The following KSR1 variants were observed in gnomAD, a reference collection of about 807,000 sequenced individuals.
KSR1 encodes kinase suppressor of ras 1, also known as kinase suppressor of ras.
A neutral mutation model predicts 92.9 loss-of-function variants in KSR1; 35 were observed. That is an observed-to-expected ratio of 0.38 (90% confidence interval 0.29 to 0.50). KSR1 has a LOEUF of 0.50. Ranked by LOEUF, KSR1 falls within the 20% of genes least tolerant of loss-of-function variation. The pLI, the probability that KSR1 is intolerant of heterozygous loss-of-function variation, is 0.94. For missense variants in KSR1, 972 were observed against 1,158.5 expected, an observed-to-expected ratio of 0.84 and a Z score of 2.34; for synonymous variants, 467 against 472.6, an observed-to-expected ratio of 0.99 and a Z score of 0.15.
Position 27,597,272 on chromosome 17 carries a change from A to C in KSR1, c.1304A>C (p.His435Pro), listed in dbSNP as rs1598112677. The C allele has an allele frequency of 6.3e-7, 1 of 1,583,780 alleles. No individual in the cohort carries two copies. Among genetic ancestry groups the C allele is most frequent in the East Asian group, 2.3e-5 (1 of 42,902 alleles). ...CCAACATCTCTGGTCCTGCAGGAGC[A>C]CCCTCCGGCCATGAATCACCTGGAC... ...TLPKALTKKEHPPAMNHLDSS... is the reference protein window; with the variant it reads ...TLPKALTKKEPPPAMNHLDSS... Residue 435 changes from histidine (H) to proline (P), a missense_variant, in exon 10 of 21, where the codon CAC becomes CCC. Physicochemically the swap from His to Pro is moderately conservative, Grantham distance 77. This residue lies in a region of KSR1 where 611 missense variants were observed against 668.0 expected (regional missense o/e 0.91). Coordinates refer to ENST00000644974, the MANE Select transcript of KSR1 (RefSeq NM_001394583.1).
At chr17:27,509,900 G>C (rs941719839) in intron 1 of KSR1, among the ~76,000 whole-genome samples, 1 of 152,188 alleles carries the variant, frequency 6.6e-6, no homozygotes, top group Admixed American at 6.5e-5. Context: ...GGCCACGTTG[G>C]GCGAGCAGGG....
chr17:27,617,881 C>T (rs1260846709), intron 19 of KSR1: 1 of 164,504 alleles, frequency 6.1e-6, no homozygotes, highest in Non-Finnish European at 1.3e-5. Context: ...CCAGAGGTGA[C>T]TAGTCCCCTT....
chr17:27,601,293 C>T, intron 10 of KSR1, 67 bp from the exon 11 acceptor site: 8 of 1,401,100 alleles, frequency 5.7e-6, no homozygotes, highest in Non-Finnish European at 7.0e-6. Context: ...CCGGTACCTG[C>T]AATTCCGCTC....
Position 27,588,506 on chromosome 17 carries a change from G to T in KSR1, c.1017G>T (p.Arg339=). Residue 339 remains arginine (R), a synonymous_variant, in exon 6 of 21, where the codon CGG becomes CGT. Transcript: ENST00000644974. ...CGCATGGATCCCCACAGATGGTACG[G>T]AGGGATATCGGGCTGTCGGTGACGC... ...DLSHGSPQMV[R]RDIGLSVTHR... is the part of the protein sequence containing the mutation. The T allele has an allele frequency of 6.3e-7, 1 of 1,593,204 alleles. No individual in the cohort carries two copies.
At chr17:27,495,696 G>A (rs1040862844) in intron 1 of KSR1, among the ~76,000 whole-genome samples, 4 of 152,120 alleles carry the variant, frequency 2.6e-5, no homozygotes, top group African/African-American at 9.7e-5. Flanking sequence ...ATAACAGGGC[G>A]AGCTCTCACA....
chr17:27,617,283 C>A lies in KSR1; in HGVS notation c.2494-12C>A. ...CCAGCTCACACACCACTAATGGCAG[C>A]TCCATTTGCAGGAGATCCTGTCGGC... is the stretch of plus-strand genomic sequence containing the variant. On this transcript the variant is annotated splice_polypyrimidine_tract_variant and intron_variant, in intron 18 of 20. Transcript: ENST00000644974. The A allele has an allele frequency of 6.2e-7, 1 of 1,601,866 alleles. No individual in the cohort carries two copies.
intron 1 of KSR1, among the ~76,000 whole-genome samples, chr17:27,526,052 C>T (rs1258736618): frequency 1.3e-3 from 174 of 130,122 alleles, no homozygotes; most frequent in Middle Eastern, 7.4e-3. Flanking sequence ...CTTTCTCTCT[C>T]TCTCTCTCTC....
At chr17:27,558,532 CCGTGCCCAGAAGAGGCCA>C (rs1356226119) in intron 2 of KSR1, among the ~76,000 whole-genome samples, 1 of 151,944 alleles carries the variant, frequency 6.6e-6, no homozygotes, top group Admixed American at 6.5e-5. Context: ...AGATGAGAGC[CCGTGCCCAGAAGAGGCCA>C]GGTGCCCAGC....
intron 1 of KSR1, among the ~76,000 whole-genome samples, chr17:27,469,532 G>T (rs1353100177): frequency 4.6e-5 from 7 of 152,120 alleles, no homozygotes; most frequent in South Asian, 2.1e-4. Flanking sequence ...TCCATTCCTT[G>T]CCAGCTCTGT....
chr17:27,565,446 A>G (rs2072024305), intron 2 of KSR1, among the ~76,000 whole-genome samples: 1 of 152,198 alleles, frequency 6.6e-6, no homozygotes, highest in Non-Finnish European at 1.5e-5. Context: ...TAGTTTTGAG[A>G]TGGCATCTCA....
chr17:27,579,369 G>T (rs1441166982), intron 3 of KSR1: 1 of 152,256 alleles, frequency 6.6e-6, no homozygotes, highest in Non-Finnish European at 1.5e-5. Context: ...TGGGACCTTG[G>T]TGAGTTACTT....
At chr17:27,606,551 A>G (rs920265923) in intron 14 of KSR1, among the ~76,000 whole-genome samples, 2 of 152,182 alleles carry the variant, frequency 1.3e-5, no homozygotes, top group African/African-American at 4.8e-5. Context: ...CAGTATCCCC[A>G]TCACGTAGGC....
intron 19 of KSR1, among the ~76,000 whole-genome samples, chr17:27,619,786 C>T (rs1027911945): frequency 2.0e-5 from 3 of 152,010 alleles, no homozygotes; most frequent in Non-Finnish European, 2.9e-5. Context: ...AATCTCGACT[C>T]ACTGCAACCT....
Position 27,456,531 on chromosome 17 carries a change from C to T in KSR1, c.-113C>T, listed in dbSNP as rs1567729972. On this transcript the variant is annotated 5_prime_UTR_variant, in exon 1 of 21. Transcript: ENST00000644974. ...GGCCGGCTCTACCGGCGTCCCGGCT[C>T]GGGCAGCGCCGAGGGGCGCTCCTGG... 4 of 404,478 alleles carry T rather than the reference C, an allele frequency of 9.9e-6. No individual in the cohort carries two copies. Among genetic ancestry groups the T allele is most frequent in the Non-Finnish European group, 1.7e-5 (4 of 232,234 alleles). The allele number at this position is 404,478 out of a possible 1,614,324, so 25.1% of individuals were successfully genotyped here.
At chr17:27,622,694 C>G (rs2074258889) in intron 20 of KSR1, 1 of 153,242 alleles carries the variant, frequency 6.5e-6, no homozygotes. Context: ...GGCAAAGTTA[C>G]TTCCTTTACA....
intron 1 of KSR1, among the ~76,000 whole-genome samples, chr17:27,497,766 C>T (rs893226232): frequency 6.6e-6 from 1 of 152,084 alleles, no homozygotes; most frequent in Admixed American, 6.5e-5. Flanking sequence ...GATGAACAGC[C>T]CATGTTTGAG....
intron 18 of KSR1, among the ~76,000 whole-genome samples, chr17:27,616,240 T>C (rs1248665735): frequency 6.6e-6 from 1 of 152,226 alleles, no homozygotes; most frequent in African/African-American, 2.4e-5. Context: ...TGTTTACTTT[T>C]GTGGAAATCC....
chr17:27,570,131 C>G (rs538593772), intron 2 of KSR1, among the ~76,000 whole-genome samples: 20 of 152,208 alleles, frequency 1.3e-4, no homozygotes, highest in African/African-American at 4.8e-4. Flanking sequence ...AACCCCACTG[C>G]CAGAGCTCAC....
At position 27,625,252 on chromosome 17, in the gene KSR1, C is replaced by T. The variant is rs576698806; in HGVS notation, c.*1860C>T. ...GCCCCACAGTTGGATGTCAGCTCAGCCGTCCAACTGGGAGGAACAGTAGGC... is the reference window on the plus strand; with the variant it reads ...GCCCCACAGTTGGATGTCAGCTCAGTCGTCCAACTGGGAGGAACAGTAGGC... On this transcript the variant is annotated 3_prime_UTR_variant, in exon 21 of 21. Transcript: ENST00000644974. 2 of 152,424 alleles carry T rather than the reference C, an allele frequency of 1.3e-5. No homozygotes were observed. Among genetic ancestry groups the T allele is most frequent in the South Asian group, 4.1e-4 (2 of 4,834 alleles). 9.4% of individuals were successfully genotyped at this position (152,424 alleles called of 1,614,324 possible).
Sources: allele counts gnomAD v4.1 joint callset (sites outside exome capture counted in the v4.1 genomes callset), GRCh38; gene constraint gnomAD v4.1.1; regional missense constraint gnomAD v4.1.1; transcripts MANE v1.5; gene names NCBI Gene and HGNC (gene_info 2026-07-23, HGNC 2026-07-21).